The following RIMS2 variants were observed in gnomAD, a reference collection of about 807,000 sequenced individuals.
RIMS2 encodes regulating synaptic membrane exocytosis 2.
Under a neutral mutation model 174.4 loss-of-function variants are expected in RIMS2, and 59 were observed. That is an observed-to-expected ratio of 0.34 (90% confidence interval 0.27 to 0.42). The LOEUF is 0.42. Ranked by LOEUF, RIMS2 falls within the 10% of genes least tolerant of loss-of-function variation. The probability of loss-of-function intolerance (pLI) is 1.00; values close to 1 mark genes in which losing one functional copy is unlikely to be tolerated. For missense variants in RIMS2, 1,620 were observed against 1,666.3 expected, an observed-to-expected ratio of 0.97 and a Z score of 0.48; for synonymous variants, 606 against 572.5, an observed-to-expected ratio of 1.06 and a Z score of -0.84.
intron 3 of RIMS2, among the ~76,000 whole-genome samples, chr8:103,849,765 G>A (rs557212983): frequency 6.7e-4 from 101 of 151,812 alleles, no homozygotes; most frequent in Non-Finnish European, 1.1e-3. Flanking sequence ...ACTGGTAAAG[G>A]GTATCTGTAA....
intron 1 of RIMS2, among the ~76,000 whole-genome samples, chr8:103,582,215 A>G (rs1588231532): frequency 2.0e-5 from 3 of 152,020 alleles, no homozygotes; most frequent in Non-Finnish European, 4.4e-5. Context: ...GAAGGAAAGG[A>G]CTCAGTCCTG....
At chr8:104,025,705 G>A (rs1035438818) in intron 19 of RIMS2, among the ~76,000 whole-genome samples, 3 of 111,638 alleles carry the variant, frequency 2.7e-5, no homozygotes, top group South Asian at 3.2e-4. Flanking sequence ...GTTGTTAAAC[G>A]TATACACACA....
chr8:104,039,025 T>C (rs530052511), intron 19 of RIMS2, among the ~76,000 whole-genome samples: 89 of 151,756 alleles, frequency 5.9e-4, no homozygotes, highest in Non-Finnish European at 1.2e-3. Context: ...ATTAATCATA[T>C]AAATTTTGTA....
exon 17 of RIMS2, chr8:103,989,319 A>G (rs772443154): frequency 3.7e-6 from 6 of 1,606,864 alleles, no homozygotes; most frequent in Non-Finnish European, 5.1e-6. Flanking sequence ...AATGTGGAAC[A>G]GGGGCTTCGA....
chr8:103,810,367 C>T (rs149026650), intron 3 of RIMS2, among the ~76,000 whole-genome samples: 12 of 152,180 alleles, frequency 7.9e-5, no homozygotes, highest in African/African-American at 2.9e-4. Context: ...AAGTACCTTC[C>T]AACTCACTGT....
chr8:103,910,807 G>A (rs28572253), intron 5 of RIMS2, among the ~76,000 whole-genome samples: 7 of 152,150 alleles, frequency 4.6e-5, no homozygotes, highest in African/African-American at 9.6e-5. Flanking sequence ...GTCTTTTGTC[G>A]CATGAGAGAA....
At chr8:103,842,011 C>G (rs988929319) in intron 3 of RIMS2, among the ~76,000 whole-genome samples, 1 of 151,922 alleles carries the variant, frequency 6.6e-6, no homozygotes, top group Non-Finnish European at 1.5e-5. Flanking sequence ...ATGTCTTACA[C>G]TTATTCAGCA....
At chr8:104,145,797 G>GATTGCGGTGAGCTAGATCGCGCC (rs1298523939) in intron 19 of RIMS2, among the ~76,000 whole-genome samples, 1 of 151,890 alleles carries the variant, frequency 6.6e-6, no homozygotes, top group Non-Finnish European at 1.5e-5. Flanking sequence ...CGGGAGGAGA[G>GATTGCGGTGAGCTAGATCGCGCC]ATTGCGGTGA....
chr8:103,730,950 G>A (rs2138880578), intron 2 of RIMS2, among the ~76,000 whole-genome samples: 1 of 152,312 alleles, frequency 6.6e-6, no homozygotes, highest in South Asian at 2.1e-4. Flanking sequence ...TGGGTGGGAG[G>A]CCTCACAGTC....
chr8:103,527,504 T>TA (rs1834650204), intron 1 of RIMS2, among the ~76,000 whole-genome samples: 1 of 152,146 alleles, frequency 6.6e-6, no homozygotes, highest in African/African-American at 2.4e-5. Flanking sequence ...ATTCATCATT[T>TA]CCATTAGGTA....
chr8:104,211,160 CAG>C (rs1252422067), intron 19 of RIMS2, among the ~76,000 whole-genome samples: 4 of 152,030 alleles, frequency 2.6e-5, no homozygotes, highest in African/African-American at 9.7e-5. Flanking sequence ...GGGAATAAAA[CAG>C]AGGTTTTTTC....
At chr8:103,663,780 CTACTT>C (rs1217364208) in intron 1 of RIMS2, among the ~76,000 whole-genome samples, 1 of 152,156 alleles carries the variant, frequency 6.6e-6, no homozygotes, top group Non-Finnish European at 1.5e-5. Context: ...TGGAAAAAAA[CTACTT>C]TAAAGTTCAT....
At chr8:104,061,709 T>C (rs2096994453) in intron 19 of RIMS2, among the ~76,000 whole-genome samples, 1 of 151,548 alleles carries the variant, frequency 6.6e-6, no homozygotes, top group African/African-American at 2.4e-5. Flanking sequence ...AATTACTAAT[T>C]GCAATATATT....
At chr8:103,781,719 G>A (rs536626694) in intron 3 of RIMS2, among the ~76,000 whole-genome samples, 33 of 133,100 alleles carry the variant, frequency 2.5e-4, no homozygotes, top group East Asian at 4.1e-4. Context: ...TATTTCTTCC[G>A]TATATTATCT....
intron 3 of RIMS2, among the ~76,000 whole-genome samples, chr8:103,794,517 G>A (rs934939013): frequency 5.3e-5 from 8 of 152,158 alleles, no homozygotes; most frequent in Non-Finnish European, 1.0e-4. Flanking sequence ...CAGGACATAG[G>A]CATGGGCAAG....
chr8:104,034,627 G>A (rs908722835), intron 19 of RIMS2, among the ~76,000 whole-genome samples: 7 of 151,552 alleles, frequency 4.6e-5, no homozygotes, highest in Admixed American at 6.6e-5. Context: ...CCGCCACCAC[G>A]CCTGGATAAT....
At chr8:104,008,944 A>T (rs1368467566) in intron 17 of RIMS2, among the ~76,000 whole-genome samples, 2 of 152,022 alleles carry the variant, frequency 1.3e-5, no homozygotes, top group African/African-American at 2.4e-5. Flanking sequence ...ATTCGTGCAC[A>T]TTACCTATTT....
At chr8:103,670,958 AT>A (rs2096736834) in intron 1 of RIMS2, among the ~76,000 whole-genome samples, 1 of 152,062 alleles carries the variant, frequency 6.6e-6, no homozygotes, top group African/African-American at 2.4e-5. Context: ...GTATTAGTCC[AT>A]TTTCATGCTG....
chr8:103,868,174 G>T (rs139859851), intron 3 of RIMS2, among the ~76,000 whole-genome samples: 1 of 151,876 alleles, frequency 6.6e-6, no homozygotes, highest in Admixed American at 6.6e-5. Flanking sequence ...GGTTGGATAC[G>T]TATACATAAA....
Sources: allele counts gnomAD v4.1 joint callset (sites outside exome capture counted in the v4.1 genomes callset), GRCh38; gene constraint gnomAD v4.1.1; transcripts MANE v1.5; gene names NCBI Gene and HGNC (gene_info 2026-07-23, HGNC 2026-07-21).